The following RBFOX1 variants were observed in gnomAD, a reference collection of about 807,000 sequenced individuals.
RBFOX1 encodes RNA binding protein fox-1 homolog 1.
Under a neutral mutation model 57.7 loss-of-function variants are expected in RBFOX1, and 8 were observed. The observed-to-expected ratio is 0.14, with a 90% CI of 0.08 to 0.25. RBFOX1 has a LOEUF of 0.25. Among genes scored for constraint, RBFOX1 ranks in the 10% least tolerant of loss-of-function variants. The pLI, the probability that RBFOX1 is intolerant of heterozygous loss-of-function variation, is 1.00. For missense variants in RBFOX1, 611 were observed against 548.5 expected (o/e 1.11, Z -1.14); for synonymous variants, 326 against 222.4 (o/e 1.47, Z -4.15).
At chr16:7,344,270 C>A (rs1049099367) in intron 4 of RBFOX1, among the ~76,000 whole-genome samples, 2 of 150,786 alleles carry the variant, frequency 1.3e-5, no homozygotes, top group Admixed American at 1.3e-4. Flanking sequence ...AATTAATACT[C>A]CCTAAGTACT....
chr16:5,904,435 G>A (rs2058391686), intron 4 of RBFOX1, among the ~76,000 whole-genome samples: 1 of 151,802 alleles, frequency 6.6e-6, no homozygotes, highest in African/African-American at 2.4e-5. Flanking sequence ...TCTGCCCTCA[G>A]GGCAGGAAAT....
At chr16:7,312,611 C>T (rs945008289) in intron 4 of RBFOX1, among the ~76,000 whole-genome samples, 1 of 152,158 alleles carries the variant, frequency 6.6e-6, no homozygotes, top group Admixed American at 6.5e-5. Flanking sequence ...CTCCAGTGAG[C>T]TGTCATTCCT....
chr16:5,294,740 A>G (rs2063620608), intron 1 of RBFOX1, among the ~76,000 whole-genome samples: 1 of 152,056 alleles, frequency 6.6e-6, no homozygotes, highest in African/African-American at 2.4e-5. Context: ...ACATGGCATA[A>G]AAAAGACAGG....
At chr16:6,172,105 G>A (rs1044421926) in intron 1 of RBFOX1, among the ~76,000 whole-genome samples, 2 of 152,086 alleles carry the variant, frequency 1.3e-5, no homozygotes, top group Non-Finnish European at 2.9e-5. Context: ...ACAGGCATGA[G>A]CCACCGAGCC....
intron 4 of RBFOX1, among the ~76,000 whole-genome samples, chr16:7,435,953 G>A (rs570053999): frequency 2.0e-5 from 3 of 152,174 alleles, no homozygotes; most frequent in East Asian, 1.9e-4. Context: ...ACTGCAGCAC[G>A]TCATTCCTTT....
At chr16:6,631,915 A>C (rs1249144792) in intron 2 of RBFOX1, among the ~76,000 whole-genome samples, 2 of 152,174 alleles carry the variant, frequency 1.3e-5, no homozygotes, top group East Asian at 3.9e-4. Flanking sequence ...TGAGCAGGAA[A>C]AGGTAGGAGA....
intron 1 of RBFOX1, among the ~76,000 whole-genome samples, chr16:6,217,202 G>C (rs537250520): frequency 1.2e-5 from 1 of 85,454 alleles, no homozygotes; most frequent in East Asian, 3.5e-4. Context: ...TGTAGAATTC[G>C]TCTGAATCTA....
intron 1 of RBFOX1, among the ~76,000 whole-genome samples, chr16:6,270,172 A>C (rs2075031214): frequency 6.9e-6 from 1 of 144,756 alleles, no homozygotes; most frequent in Non-Finnish European, 1.5e-5. Context: ...CAAACTGAAA[A>C]ACACAACAGA....
chr16:6,117,776 A>C (rs1487766303), intron 1 of RBFOX1, among the ~76,000 whole-genome samples: 1 of 152,246 alleles, frequency 6.6e-6, no homozygotes, highest in African/African-American at 2.4e-5. Flanking sequence ...GTAAGACGCT[A>C]TCTAAGATGA....
chr16:5,695,013 C>CA (rs1415621623), intron 3 of RBFOX1, among the ~76,000 whole-genome samples: 1 of 151,922 alleles, frequency 6.6e-6, no homozygotes, highest in Non-Finnish European at 1.5e-5. Context: ...ATATGGATGA[C>CA]ATTTAAAACC....
chr16:6,901,240 T>C (rs13329868), intron 3 of RBFOX1, among the ~76,000 whole-genome samples: 34,882 of 152,168 alleles, frequency 0.23, 4,046 homozygotes, highest in South Asian at 0.32. Context: ...TCAGACTTCA[T>C]TCCAGTGAGG....
At chr16:7,034,491 C>G (rs937204157) in intron 3 of RBFOX1, among the ~76,000 whole-genome samples, 2 of 152,038 alleles carry the variant, frequency 1.3e-5, no homozygotes, top group Non-Finnish European at 2.9e-5. Context: ...AAGTGTATGA[C>G]CATCTATCTC....
intron 4 of RBFOX1, among the ~76,000 whole-genome samples, chr16:5,897,109 C>T (rs11859459): frequency 0.054 from 7,819 of 144,848 alleles, 562 homozygotes; most frequent in African/African-American, 0.19. Flanking sequence ...AATCTCGGCT[C>T]ACTGCAAGCT....
At chr16:7,299,541 C>G (rs1161769055) in intron 4 of RBFOX1, among the ~76,000 whole-genome samples, 1 of 152,192 alleles carries the variant, frequency 6.6e-6, no homozygotes, top group Non-Finnish European at 1.5e-5. Flanking sequence ...TTGGTTCTGC[C>G]TGGGACGAAG....
chr16:5,352,045 A>T (rs2065273443), intron 1 of RBFOX1, among the ~76,000 whole-genome samples: 1 of 152,086 alleles, frequency 6.6e-6, no homozygotes, highest in African/African-American at 2.4e-5. Context: ...ACCTCAGGTG[A>T]TCCACCCGCC....
chr16:7,175,253 T>A (rs1446740642), intron 4 of RBFOX1, among the ~76,000 whole-genome samples: 3 of 152,086 alleles, frequency 2.0e-5, no homozygotes, highest in Non-Finnish European at 2.9e-5. Flanking sequence ...CCTGTGCCCA[T>A]GTATTTTCAT....
At chr16:6,989,061 C>G (rs1317455830) in intron 3 of RBFOX1, among the ~76,000 whole-genome samples, 1 of 151,978 alleles carries the variant, frequency 6.6e-6, no homozygotes, top group East Asian at 1.9e-4. Flanking sequence ...CCGCGCCCGG[C>G]TTTTTTGGTA....
intron 3 of RBFOX1, among the ~76,000 whole-genome samples, chr16:5,854,180 G>A (rs1349694261): frequency 6.6e-6 from 1 of 152,212 alleles, no homozygotes; most frequent in African/African-American, 2.4e-5. Flanking sequence ...TGATTTGAGT[G>A]TGCCTGGTGA....
At chr16:5,815,078 G>T (rs543061581) in intron 3 of RBFOX1, among the ~76,000 whole-genome samples, 1 of 151,762 alleles carries the variant, frequency 6.6e-6, no homozygotes. Flanking sequence ...CAACCTCCTG[G>T]GTTCAACAAT....
Sources: gnomAD v4.1 joint callset for allele counts (sites outside exome capture counted in the v4.1 genomes callset) on GRCh38, gnomAD v4.1.1 for gene constraint, MANE v1.5 for transcripts, NCBI Gene and HGNC (gene_info 2026-07-23, HGNC 2026-07-21) for gene names.